ARHGAP27: variants seen among roughly 807,000 people sequenced by gnomAD.
The protein encoded by ARHGAP27 is rho GTPase-activating protein 27.
In ARHGAP27, 53 loss-of-function variants were observed where a neutral mutation model predicts 102.0. That is an observed-to-expected ratio of 0.52 (90% CI 0.42 to 0.65). ARHGAP27 has a LOEUF of 0.65. ARHGAP27 is among the 30% of genes least tolerant of loss of function. ARHGAP27 has a pLI of 0.00. For missense variants in ARHGAP27, 1,117 were observed against 1,256.2 expected (o/e 0.89, Z 1.68); for synonymous variants, 525 against 542.8 (o/e 0.97, Z 0.46).
rs935704255 is a variant in ARHGAP27, at chr17:45,394,244, G to C, written c.*1212C>G. 6.6e-6 allele frequency: 1 copy of C among 152,302 alleles called. No individual in the cohort carries two copies. Among genetic ancestry groups the C allele is most frequent in the African/African-American group, 2.4e-5 (1 of 41,464 alleles). 9.4% of individuals were successfully genotyped at this position (152,302 alleles called of 1,614,324 possible). On this transcript the variant is annotated 3_prime_UTR_variant, in exon 20 of 20. Coordinates refer to ENST00000685559, the MANE Select transcript of ARHGAP27 (RefSeq NM_001282290.2). ...TGTCTGTTGAATAAATGAACAGGTG[G>C]GTTGGTGGGGCTGGGGGCCAAGAGC...
At chr17:45,432,453 C>A (rs1156246339) in intron 1 of ARHGAP27, 104 bp from the exon 2 acceptor site, 3 of 152,744 alleles carry the variant, frequency 2.0e-5, no homozygotes, top group East Asian at 1.9e-4. Context: ...ACTGCCCAGG[C>A]GACTCAAGCT....
At chr17:45,398,743 AAAAC>A (rs924007921) in intron 12 of ARHGAP27, among the ~76,000 whole-genome samples, 5 of 152,096 alleles carry the variant, frequency 3.3e-5, no homozygotes, top group Admixed American at 2.6e-4. Context: ...CAAAAAAAAA[AAAAC>A]AAAACAAAAC....
chr17:45,396,661 C>T lies in ARHGAP27; in HGVS notation c.2074+7G>A, dbSNP rs768573732. ...CCGGGTCCCCGCCCCCCGCAGGCCTCGGGTACCTTTGATGTAGCCCTTCTC... is the reference window on the plus strand; with the variant it reads ...CCGGGTCCCCGCCCCCCGCAGGCCTTGGGTACCTTTGATGTAGCCCTTCTC... On this transcript the variant is annotated splice_region_variant and intron_variant, in intron 15 of 19. Transcript: ENST00000685559. 7 of 1,613,410 alleles carry T rather than the reference C, an allele frequency of 4.3e-6. No individual in the cohort carries two copies. The Admixed American group carries it at 1.0e-4, about 23-fold the overall frequency.
rs1024777404 is a variant in ARHGAP27 at position 45,396,022 on chromosome 17, A to G, written c.2347T>C (p.Phe783Leu). 1 of 1,613,812 alleles carries G rather than the reference A, an allele frequency of 6.2e-7. No homozygotes were observed. The change falls in exon 18 of 20, where the codon TTC becomes CTC. Residue 783 changes from phenylalanine to leucine, a missense_variant. Phe to Leu is a conservative substitution (Grantham distance 22). Transcript: ENST00000685559. ...AACTGGCGGAAGTGCGAGAAGGGGAAGAGGGGCTCGGGCAGCTCCCGAAAG... is the reference window on the plus strand; with the variant it reads ...AACTGGCGGAAGTGCGAGAAGGGGAGGAGGGGCTCGGGCAGCTCCCGAAAG... ...LFFRELPEPL[F>L]PFSHFRQFIA...
At chr17:45,403,791 C>A (rs1412227239) in intron 10 of ARHGAP27, 82 bp from the exon 11 acceptor site, 10 of 1,276,072 alleles carry the variant, frequency 7.8e-6, no homozygotes, top group Non-Finnish European at 1.0e-5. Context: ...AGGAACAAGT[C>A]AGAGCTTAGG....
rs748016302 is a variant in ARHGAP27, at chr17:45,405,105, G to C, written c.1067C>G (p.Pro356Arg). ...GGGGTAGTCCGTCTCGGGAGTGGGG[G>C]GCTGCGGGGAACAGAAGGTGGAGTC... ...LSPGSPGDPRPPTPETDYPES... is the reference protein window; with the variant it reads ...LSPGSPGDPRRPTPETDYPES... The change falls in exon 6 of 20, where the codon CCC (proline) becomes CGC (arginine). Residue 356 changes from proline to arginine, a missense_variant and splice_region_variant. Physicochemically the swap from Pro to Arg is moderately radical, Grantham distance 103 (BLOSUM62 -2). This residue lies in a region of ARHGAP27 where 610 missense variants were observed against 716.4 expected (regional missense o/e 0.85). Transcript: ENST00000685559. The C allele has an allele frequency of 9.5e-6, 15 of 1,572,496 alleles. No homozygotes were observed. The Admixed American group carries it at 2.5e-4, about 26-fold the overall frequency.
chr17:45,415,063 A>C (rs1487460169), intron 4 of ARHGAP27, among the ~76,000 whole-genome samples: 1 of 122,014 alleles, frequency 8.2e-6, no homozygotes, highest in African/African-American at 3.3e-5. Context: ...AGTCCATCTC[A>C]AAAAAAAAAA....
At position 45,395,764 on chromosome 17, in the gene ARHGAP27, C is replaced by T; in HGVS notation, c.2472G>A (p.Met824Ile). Residue 824 changes from methionine to isoleucine, a missense_variant, in exon 19 of 20, where the codon ATG (methionine) becomes ATA (isoleucine). By Grantham distance (10) the Met-to-Ile change is conservative (BLOSUM62 1). This residue lies in a region of ARHGAP27 where 493 missense variants were observed against 505.5 expected (regional missense o/e 0.98). Transcript: ENST00000685559. The part of the protein sequence containing the change: ...LPAPNHDTLR[M>I]LFQHLCRVIE... ...CTCACCGGCAGAGGTGCTGGAAGAG[C>T]ATCCGCAGAGTGTCGTGGTTGGGAG... The T allele has an allele frequency of 1.3e-6, 2 of 1,596,118 alleles. No individual in the cohort carries two copies. The highest frequency in any genetic ancestry group is 1.7e-6 in the Non-Finnish European group (2 of 1,174,820).
intron 5 of ARHGAP27, among the ~76,000 whole-genome samples, 159 bp downstream of exon 5, chr17:45,405,517 T>G (rs572004726): frequency 6.9e-6 from 1 of 144,058 alleles, no homozygotes; most frequent in South Asian, 2.3e-4. Context: ...CTGGGGTCCC[T>G]GGGTCTGTGG....
intron 4 of ARHGAP27, among the ~76,000 whole-genome samples, chr17:45,426,330 C>G (rs1320375059): frequency 6.6e-6 from 1 of 152,148 alleles, no homozygotes; most frequent in Non-Finnish European, 1.5e-5. Context: ...TCAGCAAGAG[C>G]CCACAGGACT....
At chr17:45,411,202 C>T (rs949876469) in intron 4 of ARHGAP27, among the ~76,000 whole-genome samples, 2 of 152,012 alleles carry the variant, frequency 1.3e-5, no homozygotes, top group Non-Finnish European at 2.9e-5. Flanking sequence ...GGATGACAGA[C>T]CCCAGCCACG....
At chr17:45,400,857 G>A (rs2046353134) in intron 12 of ARHGAP27, among the ~76,000 whole-genome samples, 1 of 152,230 alleles carries the variant, frequency 6.6e-6, no homozygotes, top group Non-Finnish European at 1.5e-5. Flanking sequence ...AGAGGTTGCA[G>A]TGAGCCAAGA....
rs1181385037 is a variant in ARHGAP27, at chr17:45,405,821, T to C, written c.920A>G (p.Gln307Arg). ...SHVSLETEWG[Q>R]YWDEESRRVF... Reference sequence around the variant, plus strand: ...CCTGCGGCTCTCCTCATCCCAGTACTGGCCCCACTCGGTCTCAAGGCTCAC... The same window carrying C: ...CCTGCGGCTCTCCTCATCCCAGTACCGGCCCCACTCGGTCTCAAGGCTCAC... The change falls in exon 5 of 20, where the codon CAG (glutamine) becomes CGG (arginine). Residue 307 changes from glutamine (Q) to arginine (R), a missense_variant. Around this residue, in one of 3 missense-constraint regions of ARHGAP27, gnomAD observed 610 missense variants for 716.4 expected, o/e 0.85. Coordinates refer to ENST00000685559, the MANE Select transcript of ARHGAP27 (RefSeq NM_001282290.2). The C allele has an allele frequency of 1.4e-5, 21 of 1,538,544 alleles. No homozygotes were observed. Among genetic ancestry groups the C allele is most frequent in the Non-Finnish European group, 1.8e-5 (21 of 1,147,890 alleles).
At chr17:45,398,733 CAA>C (rs5820577) in intron 12 of ARHGAP27, among the ~76,000 whole-genome samples, 131 of 138,088 alleles carry the variant, frequency 9.5e-4, no homozygotes, top group Non-Finnish European at 1.7e-3. Flanking sequence ...GACTCCGTCT[CAA>C]AAAAAAAAAA....
intron 4 of ARHGAP27, among the ~76,000 whole-genome samples, chr17:45,420,045 C>T (rs1355812031): frequency 1.3e-5 from 2 of 152,172 alleles, no homozygotes; most frequent in African/African-American, 2.4e-5. Flanking sequence ...ATGGGACATA[C>T]TCATCAAATA....
At position 45,427,635 on chromosome 17, in the gene ARHGAP27, C is replaced by T. The variant is rs2049748663; in HGVS notation, c.657+1988G>A. 6.6e-6 allele frequency among the ~76,000 whole-genome samples: 1 copy of T among 152,190 alleles called. No homozygotes were observed. Among genetic ancestry groups the T allele is most frequent in the Non-Finnish European group, 1.5e-5 (1 of 68,028 alleles). Reference sequence around the variant, plus strand: ...GGAGCACCAGGGAGACCCACAGCTGCCTCTTGAATAAAGCTCTGTGGCAGG... The same window carrying T: ...GGAGCACCAGGGAGACCCACAGCTGTCTCTTGAATAAAGCTCTGTGGCAGG... On this transcript the variant is annotated intron_variant, in intron 4 of 19. Transcript: ENST00000685559. This position sits in a 1 kb window ranked among gnomAD's most constrained non-coding sequence, Gnocchi z 4.5.
intron 4 of ARHGAP27, chr17:45,410,131 A>T: frequency 7.3e-7 from 1 of 1,371,964 alleles, no homozygotes; most frequent in South Asian, 1.3e-5. Flanking sequence ...ATGAGCCCCA[A>T]CTTCCAAGAG....
At chr17:45,400,319 A>G (rs1052583188) in intron 12 of ARHGAP27, among the ~76,000 whole-genome samples, 2 of 152,140 alleles carry the variant, frequency 1.3e-5, no homozygotes, top group Non-Finnish European at 2.9e-5. Context: ...ATCCATCCTC[A>G]ATGATATAAA....
intron 9 of ARHGAP27, 45 bp from the exon 10 acceptor site, chr17:45,404,141 G>A: frequency 6.2e-7 from 1 of 1,612,194 alleles, no homozygotes; most frequent in South Asian, 1.1e-5. Flanking sequence ...TGTAGTTAAG[G>A]GGTGAGCTAT....
Sources: allele counts gnomAD v4.1 joint callset (sites outside exome capture counted in the v4.1 genomes callset), GRCh38; gene constraint gnomAD v4.1.1; regional missense constraint gnomAD v4.1.1; non-coding constraint Gnocchi (gnomAD v3.1); transcripts MANE v1.5; gene names NCBI Gene and HGNC (gene_info 2026-07-23, HGNC 2026-07-21).